NPR1: variants seen among roughly 807,000 people sequenced by gnomAD.
NPR1 encodes natriuretic peptide receptor 1.
A neutral mutation model predicts 116.9 loss-of-function variants in NPR1; 57 were observed. The observed-to-expected ratio is 0.49, with a 90% CI of 0.39 to 0.61. The LOEUF is 0.61. NPR1 is among the 20% of genes least tolerant of loss of function. The pLI, the probability that NPR1 is intolerant of heterozygous loss-of-function variation, is 0.00. For synonymous variants in NPR1, 555 were observed against 601.6 expected (o/e 0.92, Z 1.13); for missense variants, 1,096 against 1,409.8 (o/e 0.78, Z 3.56).
intron 7 of NPR1, 23 bp from the exon 8 acceptor site, chr1:153,684,941 C>A (rs1368303306): frequency 6.2e-7 from 1 of 1,613,460 alleles, no homozygotes. Flanking sequence ...GCCACAGGCT[C>A]AGATGCAGCC....
chr1:153,687,048 C>T lies in NPR1; in HGVS notation c.1896C>T (p.Asp632=), dbSNP rs755013101. ...TGGAGAATGAGAGCATCACCCTGGA[C>T]TGGATGTTCCGGTACTCACTCACCA... The part of the protein sequence containing the change: ...DILENESITL[D]WMFRYSLTND... Residue 632 remains aspartate (D), a synonymous_variant, in exon 12 of 22, where the codon GAC becomes GAT. Coordinates refer to ENST00000368680, the MANE Select transcript of NPR1 (RefSeq NM_000906.4). 4 of 1,614,156 alleles carry T rather than the reference C, an allele frequency of 2.5e-6. No homozygotes were observed. In the South Asian group the frequency reaches 3.3e-5, roughly 13 times the overall value.
At chr1:153,691,897 A>AT (rs1670117976) in intron 20 of NPR1, among the ~76,000 whole-genome samples, 1 of 151,918 alleles carries the variant, frequency 6.6e-6, no homozygotes, top group South Asian at 2.1e-4. Flanking sequence ...AAAAAAAAAA[A>AT]AGAGAGAAAG....
At chr1:153,681,149 ACT>A (rs1474683767) in intron 2 of NPR1, 29 bp from the exon 3 acceptor site, 2 of 1,377,008 alleles carry the variant, frequency 1.5e-6, no homozygotes, top group African/African-American at 1.4e-5. Flanking sequence ...TCAGCTCCCA[ACT>A]CTCTGCTCTC....
At chr1:153,683,337 G>T (rs757850506) in intron 5 of NPR1, 39 bp from the exon 6 acceptor site, 2 of 1,599,170 alleles carry the variant, frequency 1.3e-6, no homozygotes, top group Non-Finnish European at 1.7e-6. Context: ...TGCCTTCCCC[G>T]CAGGCCCTGG....
chr1:153,692,590 G>A (rs1670137508), intron 20 of NPR1, among the ~76,000 whole-genome samples: 1 of 150,534 alleles, frequency 6.6e-6, no homozygotes, highest in Non-Finnish European at 1.5e-5. Context: ...TCGGCTCACT[G>A]CAACCTCCGC....
intron 7 of NPR1, among the ~76,000 whole-genome samples, chr1:153,684,386 C>CTTTTTTTTTTTTTTTTT (rs58272090): frequency 1.1e-5 from 1 of 88,978 alleles, no homozygotes; most frequent in East Asian, 3.9e-4. Context: ...TTCTTTCTTT[C>CTTTTTTTTTTTTTTTTT]TTTTTTTTTT....
At position 153,693,942 on chromosome 1, in the gene NPR1, A is replaced by G. The variant is rs927889040; in HGVS notation, c.*528A>G. On this transcript the variant is annotated 3_prime_UTR_variant, in exon 22 of 22. Transcript: ENST00000368680. ...TGGCGCAGAAGGGTTGGGGGCCTGT[A>G]TGCCTTGCTTCTACCATGAGCAGAG... 7.6e-6 allele frequency: 3 copies of G among 397,104 alleles called. No homozygotes were observed. The highest frequency in any genetic ancestry group is 6.2e-5 in the African/African-American group (3 of 48,608). The allele number at this position is 397,104 out of a possible 1,614,324, so 24.6% of individuals were successfully genotyped here.
chr1:153,688,989 C>T lies in NPR1; in HGVS notation c.2454C>T (p.Ser818=), dbSNP rs1557965037. The change falls in exon 16 of 22, where the codon TCC becomes TCT. Residue 818 remains serine (S), a synonymous_variant. Transcript: ENST00000368680. ...GCAACATCCTGGACAACCTGCTGTCCCGCATGGAGCAGTACGCGAACAATC... is the reference window on the plus strand; with the variant it reads ...GCAACATCCTGGACAACCTGCTGTCTCGCATGGAGCAGTACGCGAACAATC... ...NSSNILDNLL[S]RMEQYANNLE... 6.2e-7 allele frequency: 1 copy of T among 1,614,192 alleles called. No homozygotes were observed. The highest frequency in any genetic ancestry group is 8.5e-7 in the Non-Finnish European group (1 of 1,180,044).
chr1:153,683,593 C>T, intron 6 of NPR1, 82 bp downstream of exon 6: 1 of 1,584,966 alleles, frequency 6.3e-7, no homozygotes, highest in East Asian at 2.2e-5. Flanking sequence ...GTGCTCCTGT[C>T]CCATGCTGAG....
intron 11 of NPR1, 129 bp from the exon 12 acceptor site, chr1:153,686,887 G>T: frequency 8.0e-7 from 1 of 1,249,372 alleles, no homozygotes; most frequent in Non-Finnish European, 1.2e-6. Context: ...GTTGGGGAAG[G>T]GCAGTGGCAC....
At chr1:153,683,332 TC>T (rs754491148) in intron 5 of NPR1, 43 bp from the exon 6 acceptor site, 1 of 1,595,372 alleles carries the variant, frequency 6.3e-7, no homozygotes, top group South Asian at 1.1e-5. Flanking sequence ...CAGCATGCCT[TC>T]CCCGCAGGCC....
chr1:153,683,392 A>T lies in NPR1; in HGVS notation c.1280A>T (p.Asn427Ile). 1 of 1,614,112 alleles carries T rather than the reference A, an allele frequency of 6.2e-7. No homozygotes were observed. Among genetic ancestry groups the T allele is most frequent in the Non-Finnish European group, 8.5e-7 (1 of 1,180,000 alleles). ...NGAFRVVLNY[N>I]GTSQELVAVS... is the part of the protein sequence containing the mutation. ...CTCCCTTAGGTTGTACTGAACTACAATGGGACTTCCCAAGAGCTGGTGGCT... is the reference window on the plus strand; with the variant it reads ...CTCCCTTAGGTTGTACTGAACTACATTGGGACTTCCCAAGAGCTGGTGGCT... The change falls in exon 6 of 22, where the codon AAT becomes ATT. Residue 427 changes from asparagine (N) to isoleucine (I), a missense_variant. Physicochemically the swap from Asn to Ile is moderately radical, Grantham distance 149. Transcript: ENST00000368680.
chr1:153,690,038 T>C (rs1670053119), intron 19 of NPR1, 58 bp downstream of exon 19: 3 of 1,418,936 alleles, frequency 2.1e-6, no homozygotes, highest in Admixed American at 2.5e-5. Context: ...CAAGGGAAAC[T>C]TGTCCCCTGG....
intron 15 of NPR1, 22 bp from the exon 16 acceptor site, chr1:153,688,931 C>G: frequency 6.2e-7 from 1 of 1,613,766 alleles, no homozygotes; most frequent in South Asian, 1.1e-5. Flanking sequence ...TTACCACCCC[C>G]ACCGCCACCC....
At position 153,689,582 on chromosome 1, in the gene NPR1, G is replaced by A. The variant is rs1670033563; in HGVS notation, c.2757+61G>A. 6.7e-7 allele frequency: 1 copy of A among 1,503,276 alleles called. No homozygotes were observed. Among genetic ancestry groups the A allele is most frequent in the South Asian group, 1.1e-5 (1 of 88,798 alleles). 93.1% of individuals were successfully genotyped at this position (1,503,276 alleles called of 1,614,324 possible). A position where few individuals can be genotyped will look rare whatever the true frequency, so the allele number is the denominator to read the frequency against. ...GACATGGACAAGGTCAGAAAAAGAT[G>A]AGGGGTAGGCAGAATGATGTGGAGT... On this transcript the variant is annotated intron_variant, in intron 18 of 21. Transcript: ENST00000368680. This position sits in a 1 kb window ranked among gnomAD's most constrained non-coding sequence, Gnocchi z 5.1.
At position 153,684,982 on chromosome 1, in the gene NPR1, G is replaced by A; in HGVS notation, c.1503G>A (p.Lys501=). ...ATCCCAGGAAGATGCAGCTGGAGAA[G>A]GAACTGGCCTCGGAGCTGTGGCGGG... ...FFIYRKMQLE[K]ELASELWRVR... Residue 501 remains lysine (K), a synonymous_variant, in exon 8 of 22, where the codon AAG becomes AAA. Transcript: ENST00000368680. 1 of 1,614,122 alleles carries A rather than the reference G, an allele frequency of 6.2e-7. No individual in the cohort carries two copies. The highest frequency in any genetic ancestry group is 8.5e-7 in the Non-Finnish European group (1 of 1,179,992).
chr1:153,690,473 C>T, intron 20 of NPR1, 91 bp downstream of exon 20: 1 of 902,010 alleles, frequency 1.1e-6, no homozygotes. Flanking sequence ...CAGCCCGTTT[C>T]AGCTCCTAGC....
chr1:153,681,957 C>G, intron 4 of NPR1, 118 bp downstream of exon 4: 1 of 1,254,062 alleles, frequency 8.0e-7, no homozygotes, highest in Admixed American at 2.6e-5. Context: ...CCAGCCTTTT[C>G]CTCCACAGCT....
At chr1:153,682,414 A>G in intron 4 of NPR1, 84 bp from the exon 5 acceptor site, 1 of 1,014,832 alleles carries the variant, frequency 9.9e-7, no homozygotes. Flanking sequence ...GCAAGGCAAA[A>G]AAGATTAGAG....
Sources: gnomAD v4.1 joint callset for allele counts (sites outside exome capture counted in the v4.1 genomes callset) on GRCh38, gnomAD v4.1.1 for gene constraint, Gnocchi (gnomAD v3.1) non-coding constraint, MANE v1.5 for transcripts, NCBI Gene and HGNC (gene_info 2026-07-23, HGNC 2026-07-21) for gene names.